CELF2: variants seen among roughly 807,000 people sequenced by gnomAD.
The protein encoded by CELF2 is CUGBP Elav-like family member 2, also known as CUG triplet repeat RNA-binding protein 2.
Under a neutral mutation model 62.6 loss-of-function variants are expected in CELF2, and 8 were observed. The observed-to-expected ratio is 0.13, with a 90% CI of 0.07 to 0.23. The LOEUF is 0.23. Ranked by LOEUF, CELF2 falls within the 10% of genes least tolerant of loss-of-function variation. The pLI, the probability that CELF2 is intolerant of heterozygous loss-of-function variation, is 1.00. For synonymous variants in CELF2, 258 were observed against 250.0 expected (o/e 1.03, Z -0.30); for missense variants, 333 against 671.0 (o/e 0.50, Z 5.56).
rs532776305 is a variant in CELF2 at position 11,270,322 on chromosome 10, G to A, written c.619-344G>A. Among the ~76,000 whole-genome samples the A allele has an allele frequency of 6.6e-5, 10 of 152,302 alleles. No homozygotes were observed. The East Asian group carries it at 1.7e-3, about 26-fold the overall frequency. The stretch of plus-strand genomic sequence containing the variant: ...AGTCTGTCTTTAAGACGAGCAGCCT[G>A]AGAAGCTCAATTAAAGAACCTTGGT... On this transcript the variant is annotated intron_variant, in intron 6 of 12. Coordinates refer to ENST00000633077, the MANE Select transcript of CELF2 (RefSeq NM_001326342.2). This position sits in a 1 kb window ranked among gnomAD's most constrained non-coding sequence, Gnocchi z 5.8.
intron 1 of CELF2, among the ~76,000 whole-genome samples, chr10:11,130,297 A>T (rs748318842): frequency 1.1e-4 from 16 of 152,182 alleles, no homozygotes; most frequent in Non-Finnish European, 2.4e-4. Flanking sequence ...TTGTGCCAGC[A>T]TTGTTATAAT....
upstream of CELF2, chr10:10,796,868 C>T: frequency 3.0e-6 from 3 of 984,854 alleles, no homozygotes; most frequent in Non-Finnish European, 2.4e-6. Context: ...CAGGAAGAAG[C>T]TTGAAGTCCC....
intron 1 of CELF2, among the ~76,000 whole-genome samples, chr10:11,135,461 C>T (rs1389557079): frequency 6.6e-6 from 1 of 152,200 alleles, no homozygotes; most frequent in African/African-American, 2.4e-5. Context: ...ACGTGCATTT[C>T]CTCTAAACTC....
At chr10:10,757,920 C>A in the CELF2 span, among the ~76,000 whole-genome samples, 1 of 151,964 alleles carries the variant, frequency 6.6e-6, no homozygotes, top group Non-Finnish European at 1.5e-5. Flanking sequence ...AAACTAGGCC[C>A]CTATGGAACC....
At chr10:10,479,570 T>C in the CELF2 span, among the ~76,000 whole-genome samples, 1 of 152,188 alleles carries the variant, frequency 6.6e-6, no homozygotes, top group East Asian at 1.9e-4. Flanking sequence ...ACCTTTTCTA[T>C]AATTCTCACC....
chr10:10,463,333 A>G, the CELF2 span, among the ~76,000 whole-genome samples: 11 of 152,200 alleles, frequency 7.2e-5, no homozygotes, highest in Admixed American at 7.2e-4. Flanking sequence ...TGGGGGAATA[A>G]CTGAAATTAG....
intron 1 of CELF2, among the ~76,000 whole-genome samples, chr10:11,162,231 A>G (rs1345857815): frequency 1.3e-5 from 2 of 151,936 alleles, no homozygotes; most frequent in African/African-American, 4.8e-5. Context: ...GGACAGGACC[A>G]CCCATTTTGG....
At chr10:11,197,810 G>T (rs538013383) in intron 2 of CELF2, among the ~76,000 whole-genome samples, 26 of 152,326 alleles carry the variant, frequency 1.7e-4, no homozygotes, top group Admixed American at 5.2e-4. Flanking sequence ...ATTTACTGCT[G>T]ACTGCATTTC....
intron 1 of CELF2, among the ~76,000 whole-genome samples, chr10:10,824,990 T>C (rs759232258): frequency 2.0e-5 from 3 of 152,190 alleles, no homozygotes; most frequent in Admixed American, 6.5e-5. Flanking sequence ...TCCCGGGGCA[T>C]ACTGTTTTAA....
the CELF2 span, among the ~76,000 whole-genome samples, chr10:10,722,979 A>G: frequency 6.6e-6 from 1 of 152,198 alleles, no homozygotes; most frequent in Admixed American, 6.5e-5. Context: ...GTTGATATTC[A>G]TCTTATTCGA....
At chr10:10,855,047 G>A (rs2059623168) in intron 1 of CELF2, among the ~76,000 whole-genome samples, 2 of 152,264 alleles carry the variant, frequency 1.3e-5, no homozygotes, top group East Asian at 1.9e-4. Context: ...TCATCTTTGG[G>A]TCACTGCCAA....
chr10:11,160,343 C>G (rs12164774), intron 1 of CELF2, among the ~76,000 whole-genome samples: 2,347 of 152,286 alleles, frequency 0.015, 70 homozygotes, highest in African/African-American at 0.054. Context: ...GTTCACTGAC[C>G]TGCTGTTGAG....
chr10:10,956,609 C>T (rs1045768321), intron 2 of CELF2, among the ~76,000 whole-genome samples: 3 of 152,152 alleles, frequency 2.0e-5, no homozygotes, highest in African/African-American at 7.2e-5. Context: ...ATTCAGGGAA[C>T]TGCCATATGC....
At position 10,934,734 on chromosome 10, in the gene CELF2, CAGTTCTGG is replaced by C. The variant is rs2066451468; in HGVS notation, c.89+14737_89+14744del. 6.6e-6 allele frequency: 1 copy of C among 152,060 alleles called. No individual in the cohort carries two copies. Among genetic ancestry groups the C allele is most frequent in the South Asian group, 2.1e-4 (1 of 4,814 alleles). The allele number at this position is 152,060 out of a possible 1,614,324, so 9.4% of individuals were successfully genotyped here. On this transcript the variant is annotated intron_variant, in intron 2 of 13. Transcript: ENST00000636488. This position sits in a 1 kb window ranked among gnomAD's most constrained non-coding sequence, Gnocchi z 4.4. ...GTTCGAGAGGGTGAGGGTTGAGGGG[CAGTTCTGG>C]ATGTAGAACTTGATGTTTGAGCATT...
At chr10:10,508,660 A>ATGTACG in the CELF2 span, among the ~76,000 whole-genome samples, 1 of 140,718 alleles carries the variant, frequency 7.1e-6, no homozygotes. Flanking sequence ...TCTTAAACAG[A>ATGTACG]TGTGTGTGTG....
chr10:11,325,763 G>A, intron 11 of CELF2, 73 bp from the exon 12 acceptor site: 3 of 1,368,018 alleles, frequency 2.2e-6, no homozygotes, highest in Non-Finnish European at 3.0e-6. Flanking sequence ...TGTTGTTAAA[G>A]TATTCCTAAG....
chr10:10,823,129 T>TA (rs946669892), intron 1 of CELF2, among the ~76,000 whole-genome samples: 8 of 152,220 alleles, frequency 5.3e-5, no homozygotes, highest in South Asian at 2.1e-4. Flanking sequence ...TTTTCTTTTT[T>TA]AAAAAATCAC....
chr10:11,157,393 C>A lies in CELF2; in HGVS notation c.75-8093C>A, dbSNP rs371740780. The stretch of plus-strand genomic sequence containing the variant: ...TTGACTTTGATATCCGCCCTCCCCC[C>A]ACACACACACACACAAAAATTTCAC... On this transcript the variant is annotated intron_variant, in intron 1 of 12. Transcript: ENST00000633077. The surrounding 1 kb of genome is among the most constrained non-coding windows in gnomAD (Gnocchi z 4.9). Among the ~76,000 whole-genome samples, 1 of 123,528 alleles carries A rather than the reference C, an allele frequency of 8.1e-6. No individual in the cohort carries two copies. The highest frequency in any genetic ancestry group is 6.3e-4 in the East Asian group (1 of 1,582). 81.0% of individuals were successfully genotyped at this position (123,528 alleles called of 152,430 possible). A position where few individuals can be genotyped will look rare whatever the true frequency, so the allele number is the denominator to read the frequency against.
intron 2 of CELF2, among the ~76,000 whole-genome samples, chr10:10,989,639 TAAATA>T (rs1388602021): frequency 6.6e-6 from 1 of 152,092 alleles, no homozygotes; most frequent in African/African-American, 2.4e-5. Flanking sequence ...CTTTTTATGT[TAAATA>T]AAATAAGCAA....
Sources: allele counts gnomAD v4.1 joint callset (sites outside exome capture counted in the v4.1 genomes callset), GRCh38; gene constraint gnomAD v4.1.1; non-coding constraint Gnocchi (gnomAD v3.1); transcripts MANE v1.5; gene names NCBI Gene and HGNC (gene_info 2026-07-23, HGNC 2026-07-21).